The following DOCK7 variants were observed in gnomAD, a reference collection of about 807,000 sequenced individuals.
The protein encoded by DOCK7 is dedicator of cytokinesis protein 7.
A neutral mutation model predicts 271.0 loss-of-function variants in DOCK7; 138 were observed. That is an observed-to-expected ratio of 0.51 (90% CI 0.44 to 0.59). DOCK7 has a LOEUF of 0.59. DOCK7 is among the 20% of genes least tolerant of loss of function. DOCK7 has a pLI of 0.00. For missense variants in DOCK7, 2,066 were observed against 2,592.4 expected (o/e 0.80, Z 4.41); for synonymous variants, 823 against 876.1 (o/e 0.94, Z 1.07).
chr1:62,513,926 C>G (rs371225987), intron 31 of DOCK7, 28 bp from the exon 32 acceptor site: 11 of 1,576,350 alleles, frequency 7.0e-6, no homozygotes, highest in Admixed American at 3.8e-5. Flanking sequence ...TAGAATGAGA[C>G]AGATTGATCA....
intron 1 of DOCK7, among the ~76,000 whole-genome samples, chr1:62,673,620 C>T (rs765335906): frequency 6.6e-6 from 1 of 152,164 alleles, no homozygotes; most frequent in African/African-American, 2.4e-5. Context: ...TTAAATTCCA[C>T]CCTACTTCAT....
intron 37 of DOCK7, among the ~76,000 whole-genome samples, chr1:62,498,639 G>GAA (rs58336065): frequency 1.6e-3 from 233 of 145,564 alleles, no homozygotes; most frequent in East Asian, 4.2e-3. Flanking sequence ...CAAGCTACTT[G>GAA]AAAAAAAAAA....
At chr1:62,464,447 T>A (rs563232444) in intron 48 of DOCK7, among the ~76,000 whole-genome samples, 3 of 150,092 alleles carry the variant, frequency 2.0e-5, no homozygotes, top group Non-Finnish European at 4.4e-5. Context: ...TTTGGGAGGC[T>A]GAGGCAGGTG....
At position 62,492,933 on chromosome 1, in the gene DOCK7, GTAAC is replaced by G. The variant is rs1646507868; in HGVS notation, c.5218-90_5218-87del. 10 of 1,114,498 alleles carry G rather than the reference GTAAC, an allele frequency of 9.0e-6. No individual in the cohort carries two copies. In the Admixed American group the frequency reaches 1.5e-4, roughly 16 times the overall value. 69.0% of individuals were successfully genotyped at this position (1,114,498 alleles called of 1,614,324 possible). A position where few individuals can be genotyped will look rare whatever the true frequency, so the allele number is the denominator to read the frequency against. On this transcript the variant is annotated intron_variant, in intron 40 of 49. Transcript: ENST00000635253. ...AAGAAGAAATAACTGAAGATGAACT[GTAAC>G]TATCAGGTTAGGTTAAAAAAAGGAG...
intron 22 of DOCK7, among the ~76,000 whole-genome samples, chr1:62,546,361 A>AT (rs1362945431): frequency 2.6e-5 from 4 of 152,014 alleles, no homozygotes; most frequent in Non-Finnish European, 4.4e-5. Context: ...ACCTTTTTTC[A>AT]TTTTTTCCCA....
intron 31 of DOCK7, 151 bp from the exon 32 acceptor site, chr1:62,514,049 A>G (rs1168855466): frequency 1.5e-6 from 1 of 664,272 alleles, no homozygotes; most frequent in African/African-American, 1.8e-5. Flanking sequence ...ACACTTGTAC[A>G]AAAGGATCAT....
chr1:62,662,488 C>T (rs1468004265), intron 2 of DOCK7, among the ~76,000 whole-genome samples: 3 of 152,214 alleles, frequency 2.0e-5, no homozygotes, highest in Non-Finnish European at 2.9e-5. Context: ...TAGGGCCGGA[C>T]GCGGTGGCTC....
chr1:62,539,078 G>T (rs1255146359), intron 27 of DOCK7, among the ~76,000 whole-genome samples: 1 of 152,154 alleles, frequency 6.6e-6, no homozygotes. Flanking sequence ...GTAAAGTCAA[G>T]ATAATGAACA....
chr1:62,602,357 A>C (rs1650271397), intron 14 of DOCK7: 6 of 1,610,912 alleles, frequency 3.7e-6, no homozygotes, highest in Non-Finnish European at 5.1e-6. Context: ...GAGAACTACA[A>C]ATATGGTTTT....
Position 62,562,279 on chromosome 1 carries a change from C to T in DOCK7, c.2113-576G>A, listed in dbSNP as rs555609924. Among the ~76,000 whole-genome samples, 8 of 126,020 alleles carry T rather than the reference C, an allele frequency of 6.3e-5. No homozygotes were observed. The South Asian group carries it at 1.0e-3, about 16-fold the overall frequency. 82.7% of individuals were successfully genotyped at this position (126,020 alleles called of 152,430 possible). On this transcript the variant is annotated intron_variant, in intron 18 of 49. Transcript: ENST00000635253. Reference sequence around the variant, plus strand: ...TAGAGTCTCGCTCTGTCACCCAGGCCGGAGTGCAGTGGCATGATTTCAGCT... The same window carrying T: ...TAGAGTCTCGCTCTGTCACCCAGGCTGGAGTGCAGTGGCATGATTTCAGCT...
chr1:62,653,604 T>C (rs1299442059), intron 4 of DOCK7, 121 bp downstream of exon 4: 3 of 660,800 alleles, frequency 4.5e-6, no homozygotes, highest in Admixed American at 3.0e-5. Flanking sequence ...GTTCTTCTTT[T>C]GTTTCTTCAG....
chr1:62,652,598 T>TTA (rs973624467), intron 4 of DOCK7, among the ~76,000 whole-genome samples: 2 of 152,134 alleles, frequency 1.3e-5, no homozygotes, highest in African/African-American at 4.8e-5. Flanking sequence ...GTTAATTCTC[T>TTA]TATCCTCTTG....
intron 48 of DOCK7, among the ~76,000 whole-genome samples, chr1:62,471,552 G>C (rs539195930): frequency 5.6e-4 from 85 of 152,256 alleles, no homozygotes; most frequent in Middle Eastern, 3.4e-3. Context: ...ACACCATAAG[G>C]CTGAGACAGG....
chr1:62,488,875 A>G (rs1368985595), intron 42 of DOCK7, 59 bp downstream of exon 42: 4 of 1,606,190 alleles, frequency 2.5e-6, no homozygotes, highest in Non-Finnish European at 3.4e-6. Flanking sequence ...GCAAAACAAC[A>G]TTAATGCTTT....
rs1245587383 is a variant in DOCK7, at chr1:62,647,363, C to T, written c.818+328G>A. On this transcript the variant is annotated intron_variant, in intron 7 of 49. Transcript: ENST00000635253. ...ATTTGTTATATGGCAGACTTAGCTTCATATATATCTTAGGCTTAGAACAGC... is the reference window on the plus strand; with the variant it reads ...ATTTGTTATATGGCAGACTTAGCTTTATATATATCTTAGGCTTAGAACAGC... 5.9e-5 allele frequency among the ~76,000 whole-genome samples: 9 copies of T among 152,140 alleles called. 1 individual carries two copies. Among genetic ancestry groups the T allele is most frequent in the Admixed American group, 5.9e-4 (9 of 15,274 alleles).
At chr1:62,617,553 C>T (rs998879429) in intron 14 of DOCK7, among the ~76,000 whole-genome samples, 4 of 151,948 alleles carry the variant, frequency 2.6e-5, no homozygotes, top group Admixed American at 6.6e-5. Flanking sequence ...AAATGTGGCT[C>T]ATCTGAATTG....
At chr1:62,620,333 AT>A (rs1653016371) in intron 12 of DOCK7, among the ~76,000 whole-genome samples, 1 of 151,578 alleles carries the variant, frequency 6.6e-6, no homozygotes, top group African/African-American at 2.4e-5. Context: ...AAATAAATAA[AT>A]AAATAAATAA....
chr1:62,580,089 T>C (rs1647069223), intron 16 of DOCK7, among the ~76,000 whole-genome samples: 1 of 152,156 alleles, frequency 6.6e-6, no homozygotes, highest in East Asian at 1.9e-4. Context: ...TCAACAAAAA[T>C]GCAACCAAAC....
intron 1 of DOCK7, among the ~76,000 whole-genome samples, chr1:62,687,017 C>T (rs1414778795): frequency 6.6e-6 from 1 of 152,028 alleles, no homozygotes; most frequent in African/African-American, 2.4e-5. Context: ...TGGCCTCAAG[C>T]GATCCTCCTG....
Sources: allele counts gnomAD v4.1 joint callset (sites outside exome capture counted in the v4.1 genomes callset), GRCh38; gene constraint gnomAD v4.1.1; transcripts MANE v1.5; gene names NCBI Gene and HGNC (gene_info 2026-07-23, HGNC 2026-07-21).